KDM1A: variants seen among roughly 807,000 people sequenced by gnomAD.
KDM1A encodes lysine-specific histone demethylase 1A.
In KDM1A, 49 loss-of-function variants were observed where a neutral mutation model predicts 109.4. That is an observed-to-expected ratio of 0.45 (90% CI 0.36 to 0.57). The LOEUF (loss-of-function observed/expected upper bound fraction) is 0.57. Ranked by LOEUF, KDM1A falls within the 20% of genes least tolerant of loss-of-function variation. The probability of loss-of-function intolerance (pLI) is 0.00; values close to 1 mark genes in which losing one functional copy is unlikely to be tolerated. For synonymous variants in KDM1A, 380 were observed against 415.4 expected, an observed-to-expected ratio of 0.91 and a Z score of 1.04; for missense variants, 668 against 1,116.6, an observed-to-expected ratio of 0.60 and a Z score of 5.73.
chr1:23,035,137 C>A (rs1309482377), intron 2 of KDM1A, among the ~76,000 whole-genome samples: 1 of 152,152 alleles, frequency 6.6e-6, no homozygotes, highest in Non-Finnish European at 1.5e-5. Flanking sequence ...AAGCCCTCTT[C>A]TCTATTATAT....
intron 12 of KDM1A, among the ~76,000 whole-genome samples, chr1:23,069,576 T>A (rs1055156461): frequency 6.6e-6 from 1 of 152,216 alleles, no homozygotes; most frequent in African/African-American, 2.4e-5. Context: ...TTCAAAACTG[T>A]CCTGGGCCAC....
At chr1:23,063,239 T>TGTGG (rs1643067721) in intron 9 of KDM1A, among the ~76,000 whole-genome samples, 1 of 125,070 alleles carries the variant, frequency 8.0e-6, no homozygotes. Flanking sequence ...TGGGTGTGTG[T>TGTGG]GTGTGTGTGT....
At chr1:23,042,664 G>C (rs1164972766) in intron 2 of KDM1A, among the ~76,000 whole-genome samples, 1 of 150,734 alleles carries the variant, frequency 6.6e-6, no homozygotes, top group Non-Finnish European at 1.5e-5. Context: ...GTTTTAGCCG[G>C]GATGGTCTCG....
intron 16 of KDM1A, among the ~76,000 whole-genome samples, chr1:23,078,549 CCCCAGATCTGCATCA>C (rs1422079783): frequency 6.6e-6 from 1 of 152,166 alleles, no homozygotes; most frequent in Admixed American, 6.5e-5. Context: ...AGGCTGCATC[CCCCAGATCTGCATCA>C]CAGCCTTCTT....
chr1:23,032,199 C>G (rs1351631013), intron 2 of KDM1A, among the ~76,000 whole-genome samples: 1 of 152,138 alleles, frequency 6.6e-6, no homozygotes, highest in Admixed American at 6.5e-5. Flanking sequence ...GCTCTAAGTA[C>G]TACGCATTGA....
At chr1:23,077,864 C>T (rs1030155683) in intron 16 of KDM1A, among the ~76,000 whole-genome samples, 12 of 152,180 alleles carry the variant, frequency 7.9e-5, no homozygotes, top group African/African-American at 2.4e-4. Context: ...AATTCGCTTA[C>T]GTTTGGTTCC....
At chr1:23,032,939 G>T (rs1301124135) in intron 2 of KDM1A, among the ~76,000 whole-genome samples, 1 of 152,114 alleles carries the variant, frequency 6.6e-6, no homozygotes, top group Non-Finnish European at 1.5e-5. Flanking sequence ...TCGCTCTGTC[G>T]CCCAGGCTGG....
intron 12 of KDM1A, 102 bp downstream of exon 12, chr1:23,069,253 G>C (rs1044111626): frequency 1.5e-6 from 1 of 665,352 alleles, no homozygotes; most frequent in African/African-American, 1.8e-5. Context: ...CCATGGAAGA[G>C]AAAGTCTGCA....
At chr1:23,033,983 A>G (rs943494049) in intron 2 of KDM1A, among the ~76,000 whole-genome samples, 10 of 152,176 alleles carry the variant, frequency 6.6e-5, no homozygotes, top group Non-Finnish European at 2.9e-5. Flanking sequence ...ATCAAAGTTG[A>G]ATTTTTATGG....
At chr1:23,041,653 G>A (rs1642339300) in intron 2 of KDM1A, among the ~76,000 whole-genome samples, 1 of 151,684 alleles carries the variant, frequency 6.6e-6, no homozygotes, top group South Asian at 2.1e-4. Flanking sequence ...ATGTTGGTCA[G>A]GCTGGTCTTG....
rs564967026 is a variant in KDM1A at position 23,063,773 on chromosome 1, C to T, written c.1168-2287C>T. Reference sequence around the variant, plus strand: ...TGCTAAAAACTGCTAGAGAGAACTACTTAGACATGTTGTGTGTGCCTTTTC... The same window carrying T: ...TGCTAAAAACTGCTAGAGAGAACTATTTAGACATGTTGTGTGTGCCTTTTC... On this transcript the variant is annotated intron_variant, in intron 9 of 20. Transcript: ENST00000400181. Among the ~76,000 whole-genome samples, 4 of 152,304 alleles carry T rather than the reference C, an allele frequency of 2.6e-5. No homozygotes were observed. The East Asian group carries it at 7.7e-4, about 29-fold the overall frequency.
chr1:23,030,271 A>G (rs913991176), intron 1 of KDM1A, among the ~76,000 whole-genome samples, 198 bp from the exon 2 acceptor site: 1 of 152,210 alleles, frequency 6.6e-6, no homozygotes, highest in Admixed American at 6.5e-5. Flanking sequence ...ATTAGTTTGA[A>G]CCTGAACTGA....
intron 2 of KDM1A, among the ~76,000 whole-genome samples, chr1:23,042,941 G>GCCTAGCCTTA: frequency 6.6e-6 from 1 of 151,270 alleles, no homozygotes; most frequent in South Asian, 2.1e-4. Flanking sequence ...TAGAAATAAG[G>GCCTAGCCTTA]TTTCACCAAG....
At chr1:23,039,338 G>A (rs1642239993) in intron 2 of KDM1A, among the ~76,000 whole-genome samples, 1 of 151,916 alleles carries the variant, frequency 6.6e-6, no homozygotes, top group Non-Finnish European at 1.5e-5. Flanking sequence ...CATTTTTTAG[G>A]CCTTACCCAT....
At chr1:23,047,034 G>A (rs1642521264) in intron 3 of KDM1A, among the ~76,000 whole-genome samples, 2 of 152,162 alleles carry the variant, frequency 1.3e-5, no homozygotes, top group Non-Finnish European at 2.9e-5. Context: ...CTTTTAGGAT[G>A]TTATTAAAAT....
At chr1:23,064,651 C>T (rs1033111362) in intron 9 of KDM1A, among the ~76,000 whole-genome samples, 2 of 152,208 alleles carry the variant, frequency 1.3e-5, no homozygotes, top group Admixed American at 6.5e-5. Context: ...GAGCTGTCCT[C>T]CTTCGAGATT....
intron 4 of KDM1A, among the ~76,000 whole-genome samples, chr1:23,051,377 C>T (rs1642665016): frequency 6.6e-6 from 1 of 152,160 alleles, no homozygotes; most frequent in African/African-American, 2.4e-5. Flanking sequence ...AGGAAAACTA[C>T]GTTGTCAAAG....
chr1:23,036,444 G>GCCCCCCCCCCCC (rs5773033), intron 2 of KDM1A, among the ~76,000 whole-genome samples: 12 of 121,588 alleles, frequency 9.9e-5, no homozygotes, highest in South Asian at 5.3e-4. Flanking sequence ...TTCTTGCCAC[G>GCCCCCCCCCCCC]CCCCCCCCCT....
intron 15 of KDM1A, among the ~76,000 whole-genome samples, chr1:23,073,694 C>T (rs1230975198): frequency 1.3e-5 from 2 of 152,164 alleles, no homozygotes; most frequent in Non-Finnish European, 2.9e-5. Flanking sequence ...CACTGATTTG[C>T]GTTATCACTG....
Sources: gnomAD v4.1 joint callset for allele counts (sites outside exome capture counted in the v4.1 genomes callset) on GRCh38, gnomAD v4.1.1 for gene constraint, MANE v1.5 for transcripts, NCBI Gene and HGNC (gene_info 2026-07-23, HGNC 2026-07-21) for gene names.